Variants in MAB21L3 observed in about 807,000 individuals in gnomAD.
The protein encoded by MAB21L3 is protein mab-21-like 3.
A neutral mutation model predicts 37.7 loss-of-function variants in MAB21L3; 36 were observed. The ratio of observed to expected loss-of-function variants is 0.96; its 90% CI spans 0.73 to 1.26. MAB21L3 has a LOEUF of 1.26. Ranked by LOEUF, MAB21L3 falls within the 50% of genes most tolerant of loss-of-function variation. The pLI is 0.00. For missense variants in MAB21L3, 430 were observed against 447.3 expected (o/e 0.96, Z 0.35); for synonymous variants, 186 against 176.8 (o/e 1.05, Z -0.41).
chr1:116,130,742 C>A (rs1220235394), intron 7 of MAB21L3, among the ~76,000 whole-genome samples: 1 of 152,190 alleles, frequency 6.6e-6, no homozygotes, highest in Admixed American at 6.5e-5. Flanking sequence ...AAAAGCTTAT[C>A]TTTTATTGCC....
At chr1:116,119,401 G>A (rs185716349) in intron 3 of MAB21L3, among the ~76,000 whole-genome samples, 214 of 147,098 alleles carry the variant, frequency 1.5e-3, no homozygotes, top group Admixed American at 2.6e-3. Context: ...TTGATGAGAA[G>A]TATGAGTGAG....
In MAB21L3 at chr1:116,137,503, A is replaced by G. The variant is rs1242189267; in HGVS notation, c.*4138A>G. Reference sequence around the variant, plus strand: ...GGTGCTGGAGAGGATGTGGAGAAATAGGAAAACTTTTACACTGTTGGTGGG... The same window carrying G: ...GGTGCTGGAGAGGATGTGGAGAAATGGGAAAACTTTTACACTGTTGGTGGG... On this transcript the variant is annotated 3_prime_UTR_variant, in exon 8 of 8. Transcript: ENST00000369500. Among the ~76,000 whole-genome samples, 1 of 148,840 alleles carries G rather than the reference A, an allele frequency of 6.7e-6. No individual in the cohort carries two copies. Among genetic ancestry groups the G allele is most frequent in the African/African-American group, 2.5e-5 (1 of 39,398 alleles).
chr1:116,129,016 C>T (rs907688468), intron 7 of MAB21L3, among the ~76,000 whole-genome samples: 21 of 152,238 alleles, frequency 1.4e-4, no homozygotes, highest in African/African-American at 5.1e-4. Flanking sequence ...CAGAGGCCTG[C>T]CCCAGTACCT....
In MAB21L3 at chr1:116,135,076, G is replaced by A. The variant is rs910036063; in HGVS notation, c.*1711G>A. 2 of 151,900 alleles carry A rather than the reference G, an allele frequency of 1.3e-5. No homozygotes were observed. The highest frequency in any genetic ancestry group is 2.9e-5 in the Non-Finnish European group (2 of 67,964). 9.4% of individuals were successfully genotyped at this position (151,900 alleles called of 1,614,324 possible). A position where few individuals can be genotyped will look rare whatever the true frequency, so the allele number is the denominator to read the frequency against. ...CATCACAATTAAAAGAACTAGAAAAGCAAGAGCAAACACATTCAAAAGCTA... is the reference window on the plus strand; with the variant it reads ...CATCACAATTAAAAGAACTAGAAAAACAAGAGCAAACACATTCAAAAGCTA... On this transcript the variant is annotated 3_prime_UTR_variant, in exon 8 of 8. Coordinates refer to ENST00000369500, the MANE Select transcript of MAB21L3 (RefSeq NM_152367.3).
chr1:116,126,765 A>G (rs1355719386), intron 5 of MAB21L3, among the ~76,000 whole-genome samples: 1 of 152,228 alleles, frequency 6.6e-6, no homozygotes, highest in Non-Finnish European at 1.5e-5. Flanking sequence ...TTTTTACAGT[A>G]GCAAATACAG....
intron 4 of MAB21L3, among the ~76,000 whole-genome samples, chr1:116,121,411 C>T (rs1343525412): frequency 6.6e-6 from 1 of 152,086 alleles, no homozygotes; most frequent in East Asian, 1.9e-4. Flanking sequence ...CCCCACATTC[C>T]TAGATGAGAA....
intron 4 of MAB21L3, among the ~76,000 whole-genome samples, chr1:116,121,631 A>G (rs1659751579): frequency 7.2e-6 from 1 of 139,786 alleles, no homozygotes. Flanking sequence ...GTTGAAAGTC[A>G]GTCTGTGGGT....
At chr1:116,126,650 GA>G (rs537032832) in intron 5 of MAB21L3, among the ~76,000 whole-genome samples, 99 of 151,818 alleles carry the variant, frequency 6.5e-4, no homozygotes, top group South Asian at 5.2e-3. Context: ...GGTGAAGAGG[GA>G]AAAAAAATGG....
rs1375944060 is a variant in MAB21L3, at chr1:116,137,597, C to T, written c.*4232C>T. On this transcript the variant is annotated 3_prime_UTR_variant, in exon 8 of 8. Coordinates refer to ENST00000369500, the MANE Select transcript of MAB21L3 (RefSeq NM_152367.3). ...CCTCAGGGATCTAGAACTAGAAATA[C>T]CATTTGACCCAGCCATCCCATTACT... Among the ~76,000 whole-genome samples, 1 of 149,850 alleles carries T rather than the reference C, an allele frequency of 6.7e-6. No homozygotes were observed. The highest frequency in any genetic ancestry group is 1.5e-5 in the Non-Finnish European group (1 of 67,626).
At position 116,137,671 on chromosome 1, in the gene MAB21L3, C is replaced by T. The variant is rs1660222684; in HGVS notation, c.*4306C>T. Among the ~76,000 whole-genome samples, 1 of 151,574 alleles carries T rather than the reference C, an allele frequency of 6.6e-6. No individual in the cohort carries two copies. Among genetic ancestry groups the T allele is most frequent in the African/African-American group, 2.4e-5 (1 of 41,022 alleles). ...AATCATGCTGCTATAAAGACACATG[C>T]ACACGTATGTTTATTGCGGCATTAT... On this transcript the variant is annotated 3_prime_UTR_variant, in exon 8 of 8. Transcript: ENST00000369500.
At chr1:116,132,941 G>A (rs1660113067) in intron 7 of MAB21L3, among the ~76,000 whole-genome samples, 191 bp from the exon 8 acceptor site, 1 of 152,200 alleles carries the variant, frequency 6.6e-6, no homozygotes, top group Non-Finnish European at 1.5e-5. Context: ...GATTAGGGAA[G>A]AGGTGCGGGA....
intron 7 of MAB21L3, 94 bp from the exon 8 acceptor site, chr1:116,133,038 C>T (rs924334922): frequency 4.7e-6 from 5 of 1,059,374 alleles, no homozygotes; most frequent in Non-Finnish European, 7.0e-6. Flanking sequence ...TCTTTTCTCC[C>T]TCCTTCCAAG....
intron 5 of MAB21L3, among the ~76,000 whole-genome samples, chr1:116,126,843 T>G (rs1323529689): frequency 6.6e-6 from 1 of 152,204 alleles, no homozygotes; most frequent in Non-Finnish European, 1.5e-5. Context: ...AAGTGATACA[T>G]GTTTAGTAGA....
rs1660177030 is a variant in MAB21L3 at position 116,135,217 on chromosome 1, T to C, written c.*1852T>C. On this transcript the variant is annotated 3_prime_UTR_variant, in exon 8 of 8. Transcript: ENST00000369500. ...GGTTTTTTGAAAGGATCAACAAAAT[T>C]GATAGACTGCTAGCAAGACTAATAA... 1 of 151,214 alleles carries C rather than the reference T, an allele frequency of 6.6e-6. No homozygotes were observed. Among genetic ancestry groups the C allele is most frequent in the Admixed American group, 6.6e-5 (1 of 15,190 alleles). 9.4% of individuals were successfully genotyped at this position (151,214 alleles called of 1,614,324 possible).
chr1:116,119,382 G>T (rs1374896864), intron 3 of MAB21L3, among the ~76,000 whole-genome samples: 2 of 150,644 alleles, frequency 1.3e-5, no homozygotes, highest in South Asian at 4.2e-4. Context: ...TATGAAGTTG[G>T]CTTGCTGGTT....
At position 116,135,690 on chromosome 1, in the gene MAB21L3, G is replaced by T. The variant is rs1660186971; in HGVS notation, c.*2325G>T. The stretch of plus-strand genomic sequence containing the variant: ...GACACAACTAAAAAAGAGAATTTTA[G>T]ACCAATATCCTTGTTGAACATTGAT... On this transcript the variant is annotated 3_prime_UTR_variant, in exon 8 of 8. Coordinates refer to ENST00000369500, the MANE Select transcript of MAB21L3 (RefSeq NM_152367.3). Among the ~76,000 whole-genome samples, 1 of 152,202 alleles carries T rather than the reference G, an allele frequency of 6.6e-6. No individual in the cohort carries two copies. Among genetic ancestry groups the T allele is most frequent in the Non-Finnish European group, 1.5e-5 (1 of 68,052 alleles).
At chr1:116,119,279 T>C (rs1036690414) in intron 3 of MAB21L3, among the ~76,000 whole-genome samples, 1 of 152,218 alleles carries the variant, frequency 6.6e-6, no homozygotes. Context: ...ACAGAGGACA[T>C]GCTAAACAAA....
intron 3 of MAB21L3, among the ~76,000 whole-genome samples, chr1:116,119,539 A>C (rs777564047): frequency 1.3e-5 from 2 of 152,176 alleles, no homozygotes; most frequent in African/African-American, 2.4e-5. Context: ...AATATGTAGA[A>C]ACAGCCATTA....
At chr1:116,115,057 C>T (rs887742801) in intron 3 of MAB21L3, among the ~76,000 whole-genome samples, 23 of 152,166 alleles carry the variant, frequency 1.5e-4, no homozygotes, top group African/African-American at 4.8e-4. Flanking sequence ...TACCTGTGTT[C>T]TGTAACTTAC....
Sources: allele counts gnomAD v4.1 joint callset (sites outside exome capture counted in the v4.1 genomes callset), GRCh38; gene constraint gnomAD v4.1.1; transcripts MANE v1.5; gene names NCBI Gene and HGNC (gene_info 2026-07-23, HGNC 2026-07-21).